Variants in SUGCT observed in about 807,000 individuals in gnomAD.
The protein encoded by SUGCT is succinyl-CoA:glutarate-CoA transferase, also known as succinyl-CoA:glutarate CoA-transferase.
Under a neutral mutation model 55.0 loss-of-function variants are expected in SUGCT, and 41 were observed. The ratio of observed to expected loss-of-function variants is 0.74; its 90% CI spans 0.58 to 0.97. SUGCT has a LOEUF of 0.97. Ranked by LOEUF, SUGCT falls within the 50% of genes least tolerant of loss-of-function variation. The pLI, the probability that SUGCT is intolerant of heterozygous loss-of-function variation, is 0.00. For missense variants in SUGCT, 568 were observed against 547.8 expected, an observed-to-expected ratio of 1.04 and a Z score of -0.37; for synonymous variants, 187 against 200.4, an observed-to-expected ratio of 0.93 and a Z score of 0.56.
At chr7:40,909,882 C>T in the SUGCT span, among the ~76,000 whole-genome samples, 29 of 152,234 alleles carry the variant, frequency 1.9e-4, 1 homozygote, top group South Asian at 5.8e-3. Flanking sequence ...AGTCTAAAAA[C>T]AGCAACTTGG....
Position 40,180,959 on chromosome 7 carries a change from TAAA to T in SUGCT, c.114_116del (p.Ile38_Lys39delinsMet). The T allele has an allele frequency of 6.2e-7, 1 of 1,609,472 alleles. No homozygotes were observed. Among genetic ancestry groups the T allele is most frequent in the South Asian group, 1.1e-5 (1 of 90,782 alleles). On this transcript the variant is annotated inframe_deletion, in exon 2 of 14. Coordinates refer to ENST00000335693, the MANE Select transcript of SUGCT (RefSeq NM_001193313.2). ...TCTGTTTTGCCAGATATGAACAATA[TAAA>T]GCCATTGGAAGGGGTAAAAATTCTG... is the stretch of plus-strand genomic sequence containing the variant.
intron 7 of SUGCT, among the ~76,000 whole-genome samples, chr7:40,259,052 T>C (rs1251586355): frequency 1.3e-5 from 2 of 152,216 alleles, no homozygotes; most frequent in African/African-American, 4.8e-5. Context: ...CTAAGTGAAA[T>C]AAGCCAGGCA....
At chr7:40,396,501 T>C (rs531099422) in intron 9 of SUGCT, among the ~76,000 whole-genome samples, 15 of 152,168 alleles carry the variant, frequency 9.9e-5, no homozygotes, top group Non-Finnish European at 1.8e-4. Flanking sequence ...CTAAAAGTAC[T>C]TATCCTGTAA....
the SUGCT span, among the ~76,000 whole-genome samples, chr7:41,012,750 T>A: frequency 2.0e-5 from 3 of 151,298 alleles, no homozygotes; most frequent in Non-Finnish European, 4.4e-5. Flanking sequence ...CACTAATGTT[T>A]TATCCAGAGA....
intron 12 of SUGCT, among the ~76,000 whole-genome samples, chr7:40,577,402 G>A (rs966638846): frequency 2.6e-5 from 4 of 151,794 alleles, no homozygotes; most frequent in Admixed American, 6.6e-5. Flanking sequence ...TGCAAATCTC[G>A]TATTTTCCTG....
intron 8 of SUGCT, among the ~76,000 whole-genome samples, chr7:40,307,606 T>G (rs1044373144): frequency 6.6e-6 from 1 of 152,212 alleles, no homozygotes; most frequent in Non-Finnish European, 1.5e-5. Context: ...AAAATTATGA[T>G]GAGGTAATTC....
chr7:40,874,772 G>A, the SUGCT span, among the ~76,000 whole-genome samples: 2 of 152,174 alleles, frequency 1.3e-5, no homozygotes, highest in East Asian at 3.8e-4. Context: ...ACCACACTTA[G>A]TGCTCTAGAA....
At chr7:40,499,231 A>G in intron 12 of SUGCT, 1 of 402,350 alleles carries the variant, frequency 2.5e-6, no homozygotes, top group Non-Finnish European at 5.1e-6. Context: ...ACTTTGATAA[A>G]GTGAAAAGGG....
chr7:40,144,436 C>T (rs558843350), intron 1 of SUGCT, among the ~76,000 whole-genome samples: 105 of 152,142 alleles, frequency 6.9e-4, no homozygotes, highest in Non-Finnish European at 6.3e-4. Flanking sequence ...GAGGGGGCGG[C>T]GCTTTCTTGA....
chr7:40,945,694 C>A, the SUGCT span, among the ~76,000 whole-genome samples: 1 of 152,174 alleles, frequency 6.6e-6, no homozygotes, highest in Non-Finnish European at 1.5e-5. Context: ...TCAACGTCTG[C>A]CATGTGGATT....
intron 13 of SUGCT, among the ~76,000 whole-genome samples, chr7:40,816,417 A>G (rs929192463): frequency 3.3e-5 from 5 of 152,134 alleles, no homozygotes; most frequent in Non-Finnish European, 5.9e-5. Flanking sequence ...CTTGGGAGAA[A>G]CAAAGTGTTC....
chr7:40,681,931 A>G (rs1470407721), intron 12 of SUGCT, among the ~76,000 whole-genome samples: 1 of 152,146 alleles, frequency 6.6e-6, no homozygotes, highest in Non-Finnish European at 1.5e-5. Context: ...GAGTAGGCAG[A>G]TCTGTTTGGT....
At chr7:40,268,220 C>G (rs1791737003) in intron 7 of SUGCT, among the ~76,000 whole-genome samples, 1 of 151,958 alleles carries the variant, frequency 6.6e-6, no homozygotes. Context: ...TTTTCATCAC[C>G]CCATAAAGAA....
intron 13 of SUGCT, among the ~76,000 whole-genome samples, chr7:40,791,249 T>A (rs1262646104): frequency 6.6e-6 from 1 of 152,216 alleles, no homozygotes; most frequent in African/African-American, 2.4e-5. Flanking sequence ...GTAACACAAA[T>A]TTGTCTTCAT....
At chr7:40,547,495 A>G (rs1181306779) in intron 12 of SUGCT, among the ~76,000 whole-genome samples, 1 of 152,114 alleles carries the variant, frequency 6.6e-6, no homozygotes, top group African/African-American at 2.4e-5. Flanking sequence ...TTTTTTATGG[A>G]CTTAATCTTA....
intron 9 of SUGCT, among the ~76,000 whole-genome samples, chr7:40,423,020 G>A (rs1787394852): frequency 6.6e-6 from 1 of 152,058 alleles, no homozygotes; most frequent in South Asian, 2.1e-4. Flanking sequence ...TATGAGATAG[G>A]TTCTACATAA....
intron 12 of SUGCT, among the ~76,000 whole-genome samples, chr7:40,690,740 C>T (rs11761336): frequency 0.2 from 30,788 of 151,900 alleles, 3,244 homozygotes; most frequent in Non-Finnish European, 0.23. Context: ...GACTGCCTGA[C>T]TAATTTTTGT....
chr7:40,614,923 G>A (rs1473436985), intron 12 of SUGCT, among the ~76,000 whole-genome samples: 6 of 152,198 alleles, frequency 3.9e-5, no homozygotes, highest in Admixed American at 3.3e-4. Context: ...GGGCATGGTA[G>A]CAGGTGCCTA....
At chr7:40,282,102 T>A (rs1792989990) in intron 8 of SUGCT, among the ~76,000 whole-genome samples, 1 of 151,782 alleles carries the variant, frequency 6.6e-6, no homozygotes, top group South Asian at 2.1e-4. Context: ...AGCCTGAATA[T>A]CCAGTTTTAC....
Sources: gnomAD v4.1 joint callset for allele counts (sites outside exome capture counted in the v4.1 genomes callset) on GRCh38, gnomAD v4.1.1 for gene constraint, MANE v1.5 for transcripts, NCBI Gene and HGNC (gene_info 2026-07-23, HGNC 2026-07-21) for gene names.